Variants in CHM observed in about 807,000 individuals in gnomAD.
The protein encoded by CHM is CHM Rab escort protein.
In CHM, 10 loss-of-function variants were observed where a neutral mutation model predicts 49.0. The ratio of observed to expected loss-of-function variants is 0.20; its 90% CI spans 0.13 to 0.35. The LOEUF is 0.35. Ranked by LOEUF, CHM falls within the 10% of genes least tolerant of loss-of-function variation. The probability of loss-of-function intolerance (pLI) is 1.00; values close to 1 mark genes in which losing one functional copy is unlikely to be tolerated. For missense variants in CHM, 455 were observed against 478.4 expected (o/e 0.95, Z 0.46); for synonymous variants, 184 against 167.5 (o/e 1.10, Z -0.76).
intron 1 of CHM, among the ~76,000 whole-genome samples, chrX:86,028,154 A>C (rs1933912641): frequency 8.9e-6 from 1 of 112,436 alleles, no homozygotes; most frequent in East Asian, 2.8e-4. Flanking sequence ...AATTACCATC[A>C]ATGAGCAACT....
intron 11 of CHM, among the ~76,000 whole-genome samples, chrX:85,894,895 G>C (rs1925716991): frequency 1.8e-5 from 2 of 111,513 alleles, no homozygotes; most frequent in Admixed American, 9.5e-5. Context: ...AATAATTAAA[G>C]ATGTTACCCA....
intron 8 of CHM, among the ~76,000 whole-genome samples, chrX:85,945,168 T>C (rs1412195131): frequency 9.0e-6 from 1 of 110,725 alleles, no homozygotes; most frequent in Non-Finnish European, 1.9e-5. Flanking sequence ...ACTGAGAAAC[T>C]AGAAAAACTA....
In CHM at chrX:85,903,938, T is replaced by G. The variant is rs768770596; in HGVS notation, c.1245-2750A>C. On this transcript the variant is annotated intron_variant, in intron 9 of 14. Transcript: ENST00000357749. ...CTAAGACTCTAGGCTTAAGCAAAACTGCTCAAATCAAGACATGTTTAAGCA... is the reference window on the plus strand; with the variant it reads ...CTAAGACTCTAGGCTTAAGCAAAACGGCTCAAATCAAGACATGTTTAAGCA... 2.7e-5 allele frequency among the ~76,000 whole-genome samples: 3 copies of G among 111,483 alleles called. No homozygotes were observed. The East Asian group carries it at 8.4e-4, about 31-fold the overall frequency.
At chrX:86,006,840 T>G (rs1932867252) in intron 2 of CHM, among the ~76,000 whole-genome samples, 1 of 111,754 alleles carries the variant, frequency 8.9e-6, no homozygotes, top group Non-Finnish European at 1.9e-5. Context: ...CTGCCCAAGG[T>G]AATTTATAGA....
At position 85,933,088 on chromosome X, in the gene CHM, GTCCCA is replaced by G. The variant is rs1465184207; in HGVS notation, c.1167-21755_1167-21751del. Among the ~76,000 whole-genome samples the G allele has an allele frequency of 3.6e-5, 4 of 111,133 alleles. 1 individual carries two copies. The highest frequency in any genetic ancestry group is 6.5e-5 in the African/African-American group (2 of 30,546). On this transcript the variant is annotated intron_variant, in intron 8 of 14. Coordinates refer to ENST00000357749, the MANE Select transcript of CHM (RefSeq NM_000390.4). ...AGCCAGGCACAGTGGTGTGCTTGTA[GTCCCA>G]GTTACTTGGGAGGCTAAGGCAGGAG... is the stretch of plus-strand genomic sequence containing the variant.
At chrX:85,991,959 A>G (rs1932217639) in intron 2 of CHM, among the ~76,000 whole-genome samples, 2 of 111,677 alleles carry the variant, frequency 1.8e-5, no homozygotes, top group Admixed American at 1.9e-4. Context: ...AAACAACAAC[A>G]ACTGTGAAGC....
At chrX:85,920,714 A>G (rs991682149) in intron 8 of CHM, among the ~76,000 whole-genome samples, 13 of 112,045 alleles carry the variant, frequency 1.2e-4, no homozygotes, top group African/African-American at 3.9e-4. Flanking sequence ...GACTTGCTTG[A>G]GGTCATTTAG....
chrX:85,969,014 A>G (rs1930731640), intron 4 of CHM: 3 of 504,583 alleles, frequency 5.9e-6, no homozygotes, highest in Middle Eastern at 1.2e-3. Flanking sequence ...TAGAAGTATT[A>G]GTGTTCGAGA....
chrX:85,981,029 G>T, intron 3 of CHM, among the ~76,000 whole-genome samples: 1 of 106,502 alleles, frequency 9.4e-6, no homozygotes, highest in Non-Finnish European at 1.9e-5. Context: ...AAAGGTTTTT[G>T]TTCAAAATAT....
At chrX:85,880,514 G>C (rs1213626461) in intron 12 of CHM, among the ~76,000 whole-genome samples, 1 of 111,137 alleles carries the variant, frequency 9.0e-6, no homozygotes, top group African/African-American at 3.3e-5. Context: ...TTGCTTGTTT[G>C]TTAATGTTTA....
In CHM at chrX:85,944,962, G is replaced by A. The variant is rs961587753; in HGVS notation, c.1166+11191C>T. Among the ~76,000 whole-genome samples, 3 of 112,013 alleles carry A rather than the reference G, an allele frequency of 2.7e-5. No homozygotes were observed. The East Asian group carries it at 8.5e-4, about 32-fold the overall frequency. On this transcript the variant is annotated intron_variant, in intron 8 of 14. Transcript: ENST00000357749. ...ATACTATGCAGCCATAAAAAGGAAC[G>A]AGATCATGTCCTTTGCAGGAACATG...
intron 1 of CHM, among the ~76,000 whole-genome samples, chrX:86,028,508 T>A (rs1410976870): frequency 1.8e-5 from 2 of 111,936 alleles, no homozygotes; most frequent in African/African-American, 6.5e-5. Context: ...ACAAAACATT[T>A]ATGCTTTAGA....
intron 8 of CHM, among the ~76,000 whole-genome samples, chrX:85,946,609 G>C (rs1214315319): frequency 8.9e-6 from 1 of 112,162 alleles, no homozygotes; most frequent in Admixed American, 9.4e-5. Context: ...CGGGATTTCA[G>C]AGAATATATG....
At chrX:86,018,533 T>G (rs992396410) in intron 2 of CHM, among the ~76,000 whole-genome samples, 2 of 111,859 alleles carry the variant, frequency 1.8e-5, no homozygotes, top group Admixed American at 9.5e-5. Context: ...TCCTAGAAAT[T>G]TATCCCAGAG....
At chrX:85,937,831 A>G (rs1420695452) in intron 8 of CHM, among the ~76,000 whole-genome samples, 1 of 105,813 alleles carries the variant, frequency 9.5e-6, no homozygotes, top group Non-Finnish European at 2.0e-5. Flanking sequence ...GAAACAGAGC[A>G]AGACTGTCTC....
At chrX:85,959,629 T>G (rs772332432) in intron 5 of CHM, among the ~76,000 whole-genome samples, 2 of 111,996 alleles carry the variant, frequency 1.8e-5, no homozygotes, top group South Asian at 3.7e-4. Flanking sequence ...AGATGATGAT[T>G]ATTGCTGGCA....
intron 1 of CHM, among the ~76,000 whole-genome samples, chrX:86,030,770 A>G (rs970685794): frequency 3.2e-4 from 35 of 110,280 alleles, no homozygotes; most frequent in African/African-American, 1.1e-3. Flanking sequence ...AGGAGTGCAG[A>G]AGACGGAAAA....
At chrX:85,892,955 C>A (rs1362046700) in intron 12 of CHM, among the ~76,000 whole-genome samples, 2 of 111,403 alleles carry the variant, frequency 1.8e-5, no homozygotes, top group Non-Finnish European at 3.8e-5. Flanking sequence ...TATTATGTCT[C>A]CCTCCTATGA....
chrX:85,971,358 T>C (rs760088721), intron 4 of CHM: 174 of 251,541 alleles, frequency 6.9e-4, no homozygotes, highest in Non-Finnish European at 9.1e-4. Context: ...CGTCTGGAGT[T>C]TGTTCCTTCT....
Sources: gnomAD v4.1 joint callset for allele counts (sites outside exome capture counted in the v4.1 genomes callset) on GRCh38, gnomAD v4.1.1 for gene constraint, MANE v1.5 for transcripts, NCBI Gene and HGNC (gene_info 2026-07-23, HGNC 2026-07-21) for gene names.